TMCO5A: variants seen among roughly 807,000 people sequenced by gnomAD.
TMCO5A encodes transmembrane and coiled-coil domain-containing protein 5A.
A neutral mutation model predicts 42.3 loss-of-function variants in TMCO5A; 34 were observed. The observed-to-expected ratio is 0.80, with a 90% CI of 0.61 to 1.07. TMCO5A has a LOEUF of 1.07. TMCO5A is among the 50% of genes least tolerant of loss of function. The pLI is 0.00. For synonymous variants in TMCO5A, 131 were observed against 115.6 expected (o/e 1.13, Z -0.86); for missense variants, 357 against 327.9 (o/e 1.09, Z -0.69).
At chr15:37,935,564 C>G (rs1889480759) in intron 2 of TMCO5A, among the ~76,000 whole-genome samples, 1 of 152,002 alleles carries the variant, frequency 6.6e-6, no homozygotes, top group Non-Finnish European at 1.5e-5. Flanking sequence ...CCTCACTGTG[C>G]TAATAGTGGT....
chr15:37,985,673 T>G, the TMCO5A span, among the ~76,000 whole-genome samples: 2 of 152,180 alleles, frequency 1.3e-5, no homozygotes, highest in African/African-American at 4.8e-5. Context: ...AGTGACCTTC[T>G]TTGAGTCCCT....
At chr15:38,031,799 CTAGAG>C in the TMCO5A span, among the ~76,000 whole-genome samples, 5 of 152,122 alleles carry the variant, frequency 3.3e-5, no homozygotes, top group Middle Eastern at 3.2e-3. Context: ...CCACTGAGCT[CTAGAG>C]TAATTTATTA....
At chr15:38,039,362 C>A in the TMCO5A span, among the ~76,000 whole-genome samples, 2 of 152,188 alleles carry the variant, frequency 1.3e-5, no homozygotes, top group African/African-American at 2.4e-5. Context: ...TAAATTATAA[C>A]TACAGTATAA....
chr15:37,941,781 G>T, intron 8 of TMCO5A, 51 bp downstream of exon 8: 1 of 1,461,856 alleles, frequency 6.8e-7, no homozygotes. Flanking sequence ...GGTACAGGAT[G>T]AAATAGAACA....
At chr15:37,955,927 C>A (rs762301202), downstream of TMCO5A, among the ~76,000 whole-genome samples, 2 of 152,132 alleles carry the variant, frequency 1.3e-5, no homozygotes, top group South Asian at 4.1e-4. Context: ...AATTAGAACT[C>A]AGGATTAAGA....
chr15:37,943,346 A>C lies in TMCO5A; in HGVS notation c.575A>C (p.Lys192Thr). Residue 192 changes from lysine (K) to threonine (T), a missense_variant, in exon 10 of 12, where the codon AAA (lysine) becomes ACA (threonine). Physicochemically the swap from Lys to Thr is moderately conservative, Grantham distance 78. Coordinates refer to ENST00000319669, the MANE Select transcript of TMCO5A (RefSeq NM_152453.4). ...EALFLEREVS[K>T]LVSMNPVEKE... Reference sequence around the variant, plus strand: ...CCTGGCTGTTATCTTCATAGATCAAAACTCGTGAGCATGAACCCTGTGGAA... The same window carrying C: ...CCTGGCTGTTATCTTCATAGATCAACACTCGTGAGCATGAACCCTGTGGAA... 2 of 1,612,376 alleles carry C rather than the reference A, an allele frequency of 1.2e-6. No homozygotes were observed. The highest frequency in any genetic ancestry group is 1.7e-6 in the Non-Finnish European group (2 of 1,179,088).
chr15:37,940,704 T>A (rs1024933839), intron 6 of TMCO5A, among the ~76,000 whole-genome samples: 10 of 152,232 alleles, frequency 6.6e-5, no homozygotes, highest in Admixed American at 2.6e-4. Flanking sequence ...CACACATGCT[T>A]CACTCCAGCA....
At chr15:37,976,190 A>G in the TMCO5A span, among the ~76,000 whole-genome samples, 1 of 151,814 alleles carries the variant, frequency 6.6e-6, no homozygotes, top group Non-Finnish European at 1.5e-5. Context: ...AGTTGCAGTG[A>G]GCTGAGATTG....
At chr15:38,009,696 C>T in the TMCO5A span, among the ~76,000 whole-genome samples, 3 of 152,164 alleles carry the variant, frequency 2.0e-5, no homozygotes, top group Non-Finnish European at 4.4e-5. Flanking sequence ...ACTTAGAGGT[C>T]AGATTGCCTG....
the TMCO5A span, among the ~76,000 whole-genome samples, chr15:38,007,948 T>G: frequency 5.6e-4 from 71 of 125,936 alleles, 1 homozygote; most frequent in East Asian, 0.014. Context: ...CAGGCTGGAG[T>G]GCAGTGGCAC....
chr15:37,942,580 G>A, intron 9 of TMCO5A: 1 of 227,824 alleles, frequency 4.4e-6, no homozygotes, highest in Non-Finnish European at 8.7e-6. Context: ...TTGATAAGTA[G>A]GGTATTCCTT....
the TMCO5A span, among the ~76,000 whole-genome samples, chr15:37,981,660 T>C: frequency 1.3e-5 from 2 of 152,146 alleles, no homozygotes; most frequent in Non-Finnish European, 2.9e-5. Flanking sequence ...TCTGAAAATA[T>C]AGAAAACAAA....
At chr15:38,011,928 C>T in the TMCO5A span, among the ~76,000 whole-genome samples, 5 of 152,000 alleles carry the variant, frequency 3.3e-5, no homozygotes, top group Admixed American at 2.6e-4. Context: ...ATCGAGACCA[C>T]CCTGGCTCAC....
chr15:37,963,747 T>C (rs1380018935), intron 11 of TMCO5A, among the ~76,000 whole-genome samples: 2 of 152,168 alleles, frequency 1.3e-5, no homozygotes, highest in Admixed American at 6.6e-5. Context: ...GTTAGGTGCA[T>C]ATATGTTTAG....
the TMCO5A span, among the ~76,000 whole-genome samples, chr15:38,004,018 A>G: frequency 6.6e-6 from 1 of 152,110 alleles, no homozygotes; most frequent in Non-Finnish European, 1.5e-5. Flanking sequence ...TGGGTCACAC[A>G]TGAAGCCAGC....
At chr15:38,008,299 C>T in the TMCO5A span, among the ~76,000 whole-genome samples, 6 of 152,010 alleles carry the variant, frequency 3.9e-5, no homozygotes, top group Admixed American at 1.3e-4. Context: ...AAGTGGGAAA[C>T]TATAAAAATG....
chr15:37,952,885 C>G (rs1055314524), downstream of TMCO5A, among the ~76,000 whole-genome samples: 6 of 152,158 alleles, frequency 3.9e-5, no homozygotes, highest in East Asian at 1.9e-4. Flanking sequence ...AACTGAAGAG[C>G]CTTGGGGCCT....
the TMCO5A span, among the ~76,000 whole-genome samples, chr15:37,991,431 G>C: frequency 6.6e-6 from 1 of 151,838 alleles, no homozygotes; most frequent in African/African-American, 2.4e-5. Flanking sequence ...TCTCAGTGTG[G>C]GCCTCTTTGA....
the TMCO5A span, among the ~76,000 whole-genome samples, chr15:37,977,209 G>T: frequency 6.6e-6 from 1 of 152,054 alleles, no homozygotes; most frequent in Non-Finnish European, 1.5e-5. Flanking sequence ...TGAATTCTAT[G>T]TCTGTCATTT....
Sources: gnomAD v4.1 joint callset for allele counts (sites outside exome capture counted in the v4.1 genomes callset) on GRCh38, gnomAD v4.1.1 for gene constraint, MANE v1.5 for transcripts, NCBI Gene and HGNC (gene_info 2026-07-23, HGNC 2026-07-21) for gene names.